Variants in PLEKHM3 observed in about 807,000 individuals in gnomAD.
The protein encoded by PLEKHM3 is pleckstrin homology domain containing M3.
In PLEKHM3, 45 loss-of-function variants were observed where a neutral mutation model predicts 81.8. The observed-to-expected ratio is 0.55, with a 90% confidence interval of 0.43 to 0.71. The LOEUF (loss-of-function observed/expected upper bound fraction) is 0.71, where lower values mean the gene tolerates loss of function less well. PLEKHM3 is among the 30% of genes least tolerant of loss of function. The pLI is 0.00. For synonymous variants in PLEKHM3, 352 were observed against 356.4 expected (o/e 0.99, Z 0.14); for missense variants, 788 against 924.3 (o/e 0.85, Z 1.91).
chr2:207,985,206 T>G (rs1159617550), intron 2 of PLEKHM3, among the ~76,000 whole-genome samples: 1 of 151,616 alleles, frequency 6.6e-6, no homozygotes, highest in Non-Finnish European at 1.5e-5. Context: ...TGCATTTTTC[T>G]CCACAGTCCC....
intron 1 of PLEKHM3, among the ~76,000 whole-genome samples, chr2:208,012,093 G>A (rs1692717711): frequency 6.6e-6 from 1 of 152,038 alleles, no homozygotes; most frequent in Admixed American, 6.5e-5. Flanking sequence ...CCAGGCTGGA[G>A]TCCAGTGGCA....
In PLEKHM3 at chr2:207,853,959, C is replaced by T. The variant is rs1204454340; in HGVS notation, c.2108+7146G>A. The stretch of plus-strand genomic sequence containing the variant: ...CTAATTTTTGTATTTTTATTAGAGA[C>T]GGGGTTTCACCATGTTGGCCAGGTT... On this transcript the variant is annotated intron_variant, in intron 7 of 7. Transcript: ENST00000427836. Among the ~76,000 whole-genome samples, 5 of 151,648 alleles carry T rather than the reference C, an allele frequency of 3.3e-5. No individual in the cohort carries two copies. The East Asian group carries it at 5.9e-4, about 18-fold the overall frequency.
intron 6 of PLEKHM3, among the ~76,000 whole-genome samples, chr2:207,897,270 T>C (rs967219233): frequency 1.3e-5 from 2 of 152,204 alleles, no homozygotes; most frequent in Non-Finnish European, 2.9e-5. Context: ...TAGCAAGCAT[T>C]GCTTTTGTGG....
intron 6 of PLEKHM3, among the ~76,000 whole-genome samples, chr2:207,901,986 C>T (rs1486944744): frequency 6.6e-6 from 1 of 152,170 alleles, no homozygotes; most frequent in Non-Finnish European, 1.5e-5. Context: ...CTTGTTAAAT[C>T]CGAATGCTCC....
intron 6 of PLEKHM3, among the ~76,000 whole-genome samples, chr2:207,889,522 G>A (rs1035510339): frequency 1.3e-5 from 2 of 148,672 alleles, no homozygotes; most frequent in African/African-American, 5.0e-5. Context: ...GGAATCATCT[G>A]TTCTGCTCTC....
At chr2:207,988,591 T>C (rs576285806) in intron 2 of PLEKHM3, among the ~76,000 whole-genome samples, 6 of 152,330 alleles carry the variant, frequency 3.9e-5, no homozygotes, top group African/African-American at 1.4e-4. Context: ...CCTACTTCTC[T>C]AGAATCCATT....
chr2:207,929,945 T>A, intron 5 of PLEKHM3: 1 of 695,274 alleles, frequency 1.4e-6, no homozygotes, highest in Non-Finnish European at 2.6e-6. Flanking sequence ...TCATTTCTAT[T>A]AAAACAAAAA....
intron 7 of PLEKHM3, among the ~76,000 whole-genome samples, chr2:207,830,591 GA>G (rs1356437371): frequency 7.5e-6 from 1 of 133,288 alleles, no homozygotes; most frequent in African/African-American, 2.9e-5. Context: ...TGGGTGACAA[GA>G]GCAAAACTCT....
chr2:207,874,793 T>C (rs1218885812), intron 6 of PLEKHM3, among the ~76,000 whole-genome samples: 1 of 151,778 alleles, frequency 6.6e-6, no homozygotes. Context: ...GGTTTCACCA[T>C]ATTGGCCAGG....
At chr2:207,952,249 C>T (rs116615013) in intron 3 of PLEKHM3, among the ~76,000 whole-genome samples, 2,002 of 152,294 alleles carry the variant, frequency 0.013, 16 homozygotes, top group Non-Finnish European at 0.023. Context: ...ATTTTATGCA[C>T]TAAGTAGGGA....
chr2:207,892,463 A>G (rs1249137937), intron 6 of PLEKHM3, among the ~76,000 whole-genome samples: 1 of 152,192 alleles, frequency 6.6e-6, no homozygotes, highest in Non-Finnish European at 1.5e-5. Flanking sequence ...TGCAGTTGAG[A>G]CAATAAGCTG....
intron 5 of PLEKHM3, among the ~76,000 whole-genome samples, chr2:207,924,514 T>C (rs1349018643): frequency 6.6e-6 from 1 of 151,912 alleles, no homozygotes; most frequent in Non-Finnish European, 1.5e-5. Context: ...GTGAAACCTG[T>C]CTCTACTAAA....
At chr2:208,017,832 T>G (rs1025952594) in intron 1 of PLEKHM3, among the ~76,000 whole-genome samples, 3 of 152,086 alleles carry the variant, frequency 2.0e-5, no homozygotes, top group African/African-American at 4.8e-5. Flanking sequence ...ACAGCAGTAT[T>G]TGACCTACTG....
chr2:207,966,677 C>T (rs1189181593), intron 3 of PLEKHM3, among the ~76,000 whole-genome samples: 6 of 152,042 alleles, frequency 3.9e-5, no homozygotes, highest in Non-Finnish European at 8.8e-5. Flanking sequence ...CTCAGCCTCC[C>T]GAGTAGCTGG....
intron 5 of PLEKHM3, among the ~76,000 whole-genome samples, chr2:207,915,605 G>C (rs1010764391): frequency 1.3e-5 from 2 of 152,084 alleles, no homozygotes; most frequent in African/African-American, 4.8e-5. Flanking sequence ...TAAAATGAGG[G>C]AAAAACTTGC....
chr2:207,962,437 C>G (rs752171506), intron 3 of PLEKHM3, among the ~76,000 whole-genome samples: 1 of 152,216 alleles, frequency 6.6e-6, no homozygotes, highest in East Asian at 1.9e-4. Flanking sequence ...ACCTTCTAGT[C>G]TCTTCATTTG....
rs558341222 is a variant in PLEKHM3 at position 207,828,347 on chromosome 2, A to G, written c.2258T>C (p.Met753Thr). ...GGTGTTCTGGTAGGACAGCTCGAACATGGTGCAAGCCTCCTCTAGACTCTC... is the reference window on the plus strand; with the variant it reads ...GGTGTTCTGGTAGGACAGCTCGAACGTGGTGCAAGCCTCCTCTAGACTCTC... ...MDESLEEACT[M>T]FELSYQNT Residue 753 changes from methionine to threonine, a missense_variant, in exon 8 of 8, where the codon ATG (methionine) becomes ACG (threonine). Met to Thr is a moderately conservative substitution (Grantham distance 81, BLOSUM62 -1). Transcript: ENST00000427836. 2.5e-6 allele frequency: 4 copies of G among 1,613,530 alleles called. No homozygotes were observed. Among genetic ancestry groups the G allele is most frequent in the African/African-American group, 2.7e-5 (2 of 74,998 alleles).
chr2:208,014,537 G>A (rs13030427), intron 1 of PLEKHM3, among the ~76,000 whole-genome samples: 17,525 of 152,182 alleles, frequency 0.12, 1,340 homozygotes, highest in South Asian at 0.19. Context: ...CTAGCTACTC[G>A]GGAGGCTGAG....
chr2:207,897,939 C>G (rs1448613488), intron 6 of PLEKHM3, among the ~76,000 whole-genome samples: 1 of 152,178 alleles, frequency 6.6e-6, no homozygotes, highest in African/African-American at 2.4e-5. Flanking sequence ...GTTTGCATTG[C>G]TGCCCTGACC....
Sources: gnomAD v4.1 joint callset for allele counts (sites outside exome capture counted in the v4.1 genomes callset) on GRCh38, gnomAD v4.1.1 for gene constraint, MANE v1.5 for transcripts, NCBI Gene and HGNC (gene_info 2026-07-23, HGNC 2026-07-21) for gene names.